NKAIN2: variants seen among roughly 807,000 people sequenced by gnomAD.
NKAIN2 encodes sodium/potassium-transporting ATPase subunit beta-1-interacting protein 2.
A neutral mutation model predicts 32.6 loss-of-function variants in NKAIN2; 14 were observed. The ratio of observed to expected loss-of-function variants is 0.43; its 90% CI spans 0.28 to 0.67. The LOEUF (loss-of-function observed/expected upper bound fraction) is 0.67. Among genes scored for constraint, NKAIN2 ranks in the 30% least tolerant of loss-of-function variants. NKAIN2 has a pLI of 0.17. For missense variants in NKAIN2, 198 were observed against 258.3 expected, an observed-to-expected ratio of 0.77 and a Z score of 1.60; for synonymous variants, 80 against 87.2, an observed-to-expected ratio of 0.92 and a Z score of 0.46.
chr6:123,866,859 C>T (rs942391118), intron 1 of NKAIN2, among the ~76,000 whole-genome samples: 1 of 152,166 alleles, frequency 6.6e-6, no homozygotes, highest in African/African-American at 2.4e-5. Flanking sequence ...CTGGATTGCT[C>T]TTTTCCTCTT....
At chr6:124,339,126 A>G (rs1322512133) in intron 2 of NKAIN2, among the ~76,000 whole-genome samples, 1 of 152,166 alleles carries the variant, frequency 6.6e-6, no homozygotes, top group Non-Finnish European at 1.5e-5. Flanking sequence ...GCGGATCACG[A>G]CATCAAGAGA....
intron 3 of NKAIN2, among the ~76,000 whole-genome samples, chr6:124,406,961 T>A: frequency 6.6e-6 from 1 of 151,750 alleles, no homozygotes; most frequent in Non-Finnish European, 1.5e-5. Flanking sequence ...ATTTTATGTA[T>A]ATTCGATACA....
chr6:124,413,870 A>G (rs1018611380), intron 3 of NKAIN2, among the ~76,000 whole-genome samples: 8 of 152,144 alleles, frequency 5.3e-5, no homozygotes, highest in African/African-American at 1.9e-4. Context: ...TGATTTTTAT[A>G]TTGACATTGT....
chr6:124,344,048 A>G (rs995296552), intron 2 of NKAIN2, among the ~76,000 whole-genome samples: 1 of 152,104 alleles, frequency 6.6e-6, no homozygotes, highest in Non-Finnish European at 1.5e-5. Flanking sequence ...CTTTCTCCAT[A>G]TGGCTAGCCA....
intron 3 of NKAIN2, among the ~76,000 whole-genome samples, chr6:124,471,116 T>A (rs986476510): frequency 3.3e-5 from 5 of 152,180 alleles, no homozygotes; most frequent in Non-Finnish European, 7.3e-5. Context: ...CAGAAAAAGT[T>A]TGCCAACTCC....
chr6:123,990,704 T>C (rs917839719), intron 1 of NKAIN2, among the ~76,000 whole-genome samples: 1 of 152,218 alleles, frequency 6.6e-6, no homozygotes, highest in Non-Finnish European at 1.5e-5. Context: ...ATCTAAACCA[T>C]AACCACTACT....
At chr6:124,775,665 C>G (rs766534959) in intron 4 of NKAIN2, among the ~76,000 whole-genome samples, 12 of 152,022 alleles carry the variant, frequency 7.9e-5, no homozygotes, top group African/African-American at 2.4e-4. Flanking sequence ...ATAAAGAGAT[C>G]GTTATCTGTG....
intron 4 of NKAIN2, among the ~76,000 whole-genome samples, chr6:124,745,203 G>A (rs1333080059): frequency 6.6e-6 from 1 of 151,776 alleles, no homozygotes; most frequent in East Asian, 1.9e-4. Context: ...GATCAAAATG[G>A]GAAAATGGAT....
At chr6:124,380,810 T>C (rs547401499) in intron 3 of NKAIN2, among the ~76,000 whole-genome samples, 1 of 152,302 alleles carries the variant, frequency 6.6e-6, no homozygotes, top group South Asian at 2.1e-4. Flanking sequence ...AGACGTGACA[T>C]AGAAATCATC....
chr6:124,814,954 A>G (rs191717628), intron 5 of NKAIN2, among the ~76,000 whole-genome samples: 1 of 152,072 alleles, frequency 6.6e-6, no homozygotes, highest in African/African-American at 2.4e-5. Flanking sequence ...AAAAATACTA[A>G]TAAACCTGAG....
intron 1 of NKAIN2, among the ~76,000 whole-genome samples, chr6:124,210,235 A>C (rs758748057): frequency 2.0e-5 from 3 of 151,552 alleles, no homozygotes; most frequent in Non-Finnish European, 4.4e-5. Flanking sequence ...TGTTCTCGGC[A>C]CTTTTTCAAA....
At chr6:124,683,704 A>G (rs12191379) in intron 4 of NKAIN2, among the ~76,000 whole-genome samples, 59,667 of 151,966 alleles carry the variant, frequency 0.39, 11,872 homozygotes, top group African/African-American at 0.44. Context: ...AAGAGCCAAC[A>G]CCGACCTCTC....
chr6:123,976,382 T>C (rs1482114358), intron 1 of NKAIN2, among the ~76,000 whole-genome samples: 1 of 35,182 alleles, frequency 2.8e-5, no homozygotes, highest in African/African-American at 1.2e-4. Context: ...CATATATATA[T>C]ATATATATAT....
intron 4 of NKAIN2, among the ~76,000 whole-genome samples, chr6:124,702,188 T>C (rs1222378755): frequency 6.6e-6 from 1 of 152,126 alleles, no homozygotes; most frequent in Non-Finnish European, 1.5e-5. Flanking sequence ...ATGGGAAGCA[T>C]TCCAACTCCA....
chr6:124,179,905 G>A (rs1789351693), intron 1 of NKAIN2, among the ~76,000 whole-genome samples: 1 of 152,198 alleles, frequency 6.6e-6, no homozygotes, highest in Non-Finnish European at 1.5e-5. Context: ...GGCAGTAACT[G>A]AAGCTTTATT....
chr6:124,705,813 G>C (rs1257629327), intron 4 of NKAIN2, among the ~76,000 whole-genome samples: 1 of 151,966 alleles, frequency 6.6e-6, no homozygotes, highest in Non-Finnish European at 1.5e-5. Flanking sequence ...GGTTAGAAAA[G>C]AGTTTATGGA....
intron 4 of NKAIN2, among the ~76,000 whole-genome samples, chr6:124,715,472 T>C (rs1775709535): frequency 6.6e-6 from 1 of 152,120 alleles, no homozygotes; most frequent in Non-Finnish European, 1.5e-5. Flanking sequence ...TGAGCCACTC[T>C]CCCCTGAGCC....
intron 1 of NKAIN2, among the ~76,000 whole-genome samples, chr6:124,127,763 T>C (rs577794821): frequency 6.6e-6 from 1 of 152,140 alleles, no homozygotes; most frequent in Admixed American, 6.5e-5. Flanking sequence ...TCCGCCAACC[T>C]GGGCTTCAAG....
At chr6:124,326,160 G>T (rs138153072) in intron 2 of NKAIN2, among the ~76,000 whole-genome samples, 124 of 135,992 alleles carry the variant, frequency 9.1e-4, no homozygotes, top group African/African-American at 3.2e-3. Context: ...TTTTTTTTTC[G>T]TCTAACCATC....
Sources: gnomAD v4.1 joint callset for allele counts (sites outside exome capture counted in the v4.1 genomes callset) on GRCh38, gnomAD v4.1.1 for gene constraint, MANE v1.5 for transcripts, NCBI Gene and HGNC (gene_info 2026-07-23, HGNC 2026-07-21) for gene names.